SPEF2: variants seen among roughly 807,000 people sequenced by gnomAD.
The protein encoded by SPEF2 is sperm flagellar and cilia associated 2, also known as sperm flagella and cilia-associated protein 2.
A neutral mutation model predicts 224.6 loss-of-function variants in SPEF2; 187 were observed. The ratio of observed to expected loss-of-function variants is 0.83; its 90% CI spans 0.74 to 0.94. The LOEUF (loss-of-function observed/expected upper bound fraction) is 0.94. Ranked by LOEUF, SPEF2 falls within the 40% of genes least tolerant of loss-of-function variation. The pLI, the probability that SPEF2 is intolerant of heterozygous loss-of-function variation, is 0.00. For missense variants in SPEF2, 2,170 were observed against 2,135.6 expected (o/e 1.02, Z -0.32); for synonymous variants, 715 against 707.3 (o/e 1.01, Z -0.17).
intron 19 of SPEF2, chr5:35,710,164 T>A (rs1159404628): frequency 3.0e-6 from 3 of 984,838 alleles, no homozygotes; most frequent in Non-Finnish European, 3.6e-6. Context: ...CACAAAGACA[T>A]GAATTAAACA....
intron 32 of SPEF2, among the ~76,000 whole-genome samples, chr5:35,794,701 C>T (rs1040475806): frequency 2.0e-5 from 3 of 152,154 alleles, no homozygotes; most frequent in Admixed American, 6.5e-5. Context: ...TCAATTTGAA[C>T]GTCCTTTTGC....
intron 32 of SPEF2, among the ~76,000 whole-genome samples, chr5:35,794,844 A>G (rs1756447305): frequency 6.6e-6 from 1 of 152,170 alleles, no homozygotes; most frequent in African/African-American, 2.4e-5. Context: ...ACTCAGCAAT[A>G]CTTCTTTGAA....
intron 30 of SPEF2, chr5:35,790,867 C>T (rs1212818800): frequency 6.6e-6 from 1 of 152,244 alleles, no homozygotes; most frequent in African/African-American, 2.4e-5. Context: ...CATATCACTA[C>T]ATGCTTTGGC....
intron 10 of SPEF2, among the ~76,000 whole-genome samples, chr5:35,681,391 C>CT (rs1028925428): frequency 6.6e-6 from 1 of 152,172 alleles, no homozygotes; most frequent in African/African-American, 2.4e-5. Context: ...CTTTGACTCT[C>CT]TAACTCTCTG....
At chr5:35,675,789 A>G (rs942719553) in intron 10 of SPEF2, 5 of 384,426 alleles carry the variant, frequency 1.3e-5, no homozygotes, top group South Asian at 3.9e-5. Flanking sequence ...CAGAACATCA[A>G]TGTATTAGTT....
At chr5:35,678,492 A>G (rs1752332373) in intron 10 of SPEF2, 1 of 152,190 alleles carries the variant, frequency 6.6e-6, no homozygotes, top group African/African-American at 2.4e-5. Flanking sequence ...GTCAGTGAAA[A>G]ACAGACACCC....
intron 2 of SPEF2, among the ~76,000 whole-genome samples, chr5:35,633,352 T>C (rs1250198211): frequency 6.6e-6 from 1 of 152,098 alleles, no homozygotes; most frequent in Non-Finnish European, 1.5e-5. Flanking sequence ...TGTTATGTCT[T>C]CTTGAGGGAT....
intron 1 of SPEF2, among the ~76,000 whole-genome samples, chr5:35,623,756 G>A (rs888171614): frequency 6.6e-6 from 1 of 152,136 alleles, no homozygotes; most frequent in Non-Finnish European, 1.5e-5. Flanking sequence ...ACGAATGTTT[G>A]TACTGTAATC....
intron 25 of SPEF2, among the ~76,000 whole-genome samples, chr5:35,761,925 A>AACTATCAGTCAATC (rs931647171): frequency 2.0e-5 from 3 of 152,298 alleles, no homozygotes; most frequent in Admixed American, 2.0e-4. Flanking sequence ...TACCTACTGG[A>AACTATCAGTCAATC]ACTATCAGTC....
At chr5:35,740,764 C>A (rs1448043470) in intron 23 of SPEF2, among the ~76,000 whole-genome samples, 1 of 152,118 alleles carries the variant, frequency 6.6e-6, no homozygotes, top group Admixed American at 6.5e-5. Context: ...CCAGCAAGCA[C>A]AATAACAAGC....
intron 33 of SPEF2, 145 bp from the exon 34 acceptor site, chr5:35,799,823 A>G: frequency 1.3e-6 from 1 of 783,502 alleles, no homozygotes; most frequent in South Asian, 1.8e-5. Context: ...TTCAGTTCAT[A>G]CCATTCATTA....
chr5:35,643,706 T>G (rs1023684212), intron 3 of SPEF2: 12 of 343,882 alleles, frequency 3.5e-5, no homozygotes, highest in African/African-American at 2.1e-4. Flanking sequence ...GCAGGTAATA[T>G]TAATAATGGT....
chr5:35,741,972 C>A (rs984402483), intron 23 of SPEF2, among the ~76,000 whole-genome samples: 2 of 151,882 alleles, frequency 1.3e-5, no homozygotes, highest in Admixed American at 6.6e-5. Context: ...ATTCCAAATG[C>A]GACATATGTT....
chr5:35,653,946 CAAAA>C (rs67527515), intron 6 of SPEF2, among the ~76,000 whole-genome samples: 10 of 87,972 alleles, frequency 1.1e-4, no homozygotes, highest in African/African-American at 1.8e-4. Flanking sequence ...GACTCTGTCT[CAAAA>C]AAAAAAAAAA....
At position 35,700,541 on chromosome 5, in the gene SPEF2, G is replaced by C. The variant is rs746113569; in HGVS notation, c.2187G>C (p.Met729Ile). Residue 729 changes from methionine (M) to isoleucine (I), a missense_variant, in exon 16 of 37, where the codon ATG (methionine) becomes ATC (isoleucine). Physicochemically the swap from Met to Ile is conservative, Grantham distance 10. Coordinates refer to ENST00000356031, the MANE Select transcript of SPEF2 (RefSeq NM_024867.4). ...NQDCILDGFP[M>I]TLNQAQLLEE... is the part of the protein sequence containing the mutation. ...ACTGTATCCTAGATGGTTTTCCAAT[G>C]ACTTTAAACCAAGCACAGCTTCTGG... 1 of 1,613,426 alleles carries C rather than the reference G, an allele frequency of 6.2e-7. No individual in the cohort carries two copies. Among genetic ancestry groups the C allele is most frequent in the Non-Finnish European group, 8.5e-7 (1 of 1,179,856 alleles).
At chr5:35,765,312 G>A (rs1751945967) in intron 26 of SPEF2, among the ~76,000 whole-genome samples, 1 of 152,024 alleles carries the variant, frequency 6.6e-6, no homozygotes, top group Non-Finnish European at 1.5e-5. Context: ...TTATATGAAT[G>A]TATCACAATT....
intron 33 of SPEF2, among the ~76,000 whole-genome samples, chr5:35,796,699 A>G (rs1756718802): frequency 1.3e-5 from 2 of 152,196 alleles, no homozygotes; most frequent in African/African-American, 4.8e-5. Context: ...TGAACTCTGT[A>G]TAATGTATAG....
In SPEF2 at chr5:35,792,364, C is replaced by G. The variant is rs757207606; in HGVS notation, c.4472C>G (p.Thr1491Ser). Residue 1491 changes from threonine to serine, a missense_variant, in exon 31 of 37, where the codon ACT becomes AGT. Transcript: ENST00000356031. ...GGCATAATAGGAAATAAAGCATTTA[C>G]TGACATTCTGATCGATTTGGTGACC... ...PKGIIGNKAF[T>S]DILIDLVTLN... The G allele has an allele frequency of 1.2e-6, 2 of 1,613,664 alleles. No homozygotes were observed. The highest frequency in any genetic ancestry group is 1.7e-5 in the Admixed American group (1 of 60,010).
intron 4 of SPEF2, 187 bp from the exon 5 acceptor site, chr5:35,646,480 C>A: frequency 2.2e-6 from 1 of 462,546 alleles, no homozygotes. Context: ...TAATATCATG[C>A]TTTTCACAGT....
Sources: gnomAD v4.1 joint callset for allele counts (sites outside exome capture counted in the v4.1 genomes callset) on GRCh38, gnomAD v4.1.1 for gene constraint, MANE v1.5 for transcripts, NCBI Gene and HGNC (gene_info 2026-07-23, HGNC 2026-07-21) for gene names.